Variants in USP3 observed in about 807,000 individuals in gnomAD.
The protein encoded by USP3 is ubiquitin carboxyl-terminal hydrolase 3.
A neutral mutation model predicts 72.3 loss-of-function variants in USP3; 20 were observed. The observed-to-expected ratio is 0.28, with a 90% CI of 0.19 to 0.40. USP3 has a LOEUF of 0.40. Ranked by LOEUF, USP3 falls within the 10% of genes least tolerant of loss-of-function variation. The pLI is 1.00. For missense variants in USP3, 479 were observed against 633.9 expected, an observed-to-expected ratio of 0.76 and a Z score of 2.62; for synonymous variants, 222 against 225.3, an observed-to-expected ratio of 0.99 and a Z score of 0.13.
intron 3 of USP3, chr15:63,542,003 T>C: frequency 1.0e-6 from 1 of 971,828 alleles, no homozygotes; most frequent in Non-Finnish European, 1.2e-6. Flanking sequence ...CTTGTTTCTT[T>C]ACTGTTGCAT....
chr15:63,572,017 A>C (rs1320002817), intron 9 of USP3, among the ~76,000 whole-genome samples: 2 of 152,230 alleles, frequency 1.3e-5, no homozygotes, highest in Non-Finnish European at 2.9e-5. Flanking sequence ...GGTGGTATGG[A>C]AGAAATAAGT....
At position 63,574,352 on chromosome 15, in the gene USP3, A is replaced by C. The variant is rs749252880; in HGVS notation, c.1045A>C (p.Arg349=). 8 of 1,606,056 alleles carry C rather than the reference A, an allele frequency of 5.0e-6. No individual in the cohort carries two copies. Among genetic ancestry groups the C allele is most frequent in the Non-Finnish European group, 4.2e-6 (5 of 1,176,838 alleles). The change falls in exon 11 of 15, where the codon AGA becomes CGA. Residue 349 remains arginine, a synonymous_variant. Coordinates refer to ENST00000380324, the MANE Select transcript of USP3 (RefSeq NM_006537.4). This position sits in a 1 kb window ranked among gnomAD's most constrained non-coding sequence, Gnocchi z 4.6. ...TTCATTAGATATTCCAAGTCAGTTCAGAAGTAAGCGCTCTAAGAATCAAGA... is the reference window on the plus strand; with the variant it reads ...TTCATTAGATATTCCAAGTCAGTTCCGAAGTAAGCGCTCTAAGAATCAAGA... ...DLSLDIPSQF[R]SKRSKNQENG... is the part of the protein sequence containing the mutation.
chr15:63,534,940 A>ATTTT, intron 2 of USP3, among the ~76,000 whole-genome samples: 1 of 151,738 alleles, frequency 6.6e-6, no homozygotes, highest in African/African-American at 2.4e-5. Context: ...TTATTTATTT[A>ATTTT]TTTACTTATT....
intron 3 of USP3, among the ~76,000 whole-genome samples, chr15:63,545,359 TTTA>T (rs2066304887): frequency 6.6e-6 from 1 of 152,108 alleles, no homozygotes; most frequent in Admixed American, 6.6e-5. Context: ...TAATTAGGAG[TTTA>T]TTAGCTGTTG....
intron 7 of USP3, among the ~76,000 whole-genome samples, chr15:63,561,934 G>A (rs2066614177): frequency 6.6e-6 from 1 of 152,308 alleles, no homozygotes; most frequent in South Asian, 2.1e-4. Flanking sequence ...TTAGCCACAG[G>A]TGTAGAAAAC....
chr15:63,538,466 A>G (rs1206090053), intron 3 of USP3, among the ~76,000 whole-genome samples: 2 of 152,158 alleles, frequency 1.3e-5, no homozygotes, highest in African/African-American at 4.8e-5. Context: ...TCCTTTCCAC[A>G]TTGTCCTTAG....
chr15:63,516,061 T>A (rs1386733119), intron 1 of USP3, among the ~76,000 whole-genome samples: 1 of 152,234 alleles, frequency 6.6e-6, no homozygotes, highest in East Asian at 1.9e-4. Context: ...ATAATTAGAT[T>A]ACATATTTTG....
At chr15:63,579,117 A>G (rs2066912682) in intron 11 of USP3, among the ~76,000 whole-genome samples, 2 of 152,218 alleles carry the variant, frequency 1.3e-5, no homozygotes, top group African/African-American at 4.8e-5. Flanking sequence ...ACTCAAAAGT[A>G]CTTAATAAAT....
In USP3 at chr15:63,593,562, T is replaced by G. The variant is rs2067241998; in HGVS notation, c.*2736T>G. 1 of 152,244 alleles carries G rather than the reference T, an allele frequency of 6.6e-6. No individual in the cohort carries two copies. Among genetic ancestry groups the G allele is most frequent in the African/African-American group, 2.4e-5 (1 of 41,460 alleles). The allele number at this position is 152,244 out of a possible 1,614,324, so 9.4% of individuals were successfully genotyped here. A position where few individuals can be genotyped will look rare whatever the true frequency, so the allele number is the denominator to read the frequency against. The stretch of plus-strand genomic sequence containing the variant: ...CTTCAGACAGGTGATGCTGTTGGCT[T>G]AAGAGATGAACACGTCTTCTCTCTG... On this transcript the variant is annotated 3_prime_UTR_variant, in exon 15 of 15. Coordinates refer to ENST00000380324, the MANE Select transcript of USP3 (RefSeq NM_006537.4).
intron 3 of USP3, among the ~76,000 whole-genome samples, chr15:63,552,213 A>G (rs1238508329): frequency 1.3e-5 from 2 of 152,202 alleles, no homozygotes; most frequent in Non-Finnish European, 2.9e-5. Context: ...TTATGCAAAC[A>G]TAAAATAAAA....
At chr15:63,540,289 G>A (rs2152663323) in intron 3 of USP3, among the ~76,000 whole-genome samples, 1 of 152,266 alleles carries the variant, frequency 6.6e-6, no homozygotes, top group Middle Eastern at 3.4e-3. Context: ...CCCAGCTCCA[G>A]TTGTAGCTGA....
intron 11 of USP3, among the ~76,000 whole-genome samples, chr15:63,587,101 A>G (rs1410590775): frequency 3.0e-5 from 4 of 135,492 alleles, no homozygotes; most frequent in African/African-American, 1.5e-4. Context: ...CTTGCTACCC[A>G]ACTTTAATAT....
chr15:63,546,912 T>C (rs2066337734), intron 3 of USP3, among the ~76,000 whole-genome samples: 2 of 152,176 alleles, frequency 1.3e-5, no homozygotes, highest in African/African-American at 2.4e-5. Context: ...CCAGCCAATC[T>C]GTTTGCCTTT....
At chr15:63,517,539 G>C (rs1300152545) in intron 1 of USP3, among the ~76,000 whole-genome samples, 1 of 152,128 alleles carries the variant, frequency 6.6e-6, no homozygotes, top group African/African-American at 2.4e-5. Flanking sequence ...TTTGTAACTG[G>C]GTGGGGCTTG....
At chr15:63,505,865 A>G (rs2065706358) in intron 1 of USP3, among the ~76,000 whole-genome samples, 1 of 152,210 alleles carries the variant, frequency 6.6e-6, no homozygotes, top group Non-Finnish European at 1.5e-5. Flanking sequence ...TTGAAGAAAT[A>G]TAGAAAAACG....
At chr15:63,563,184 G>A (rs944965167) in intron 8 of USP3, among the ~76,000 whole-genome samples, 176 bp downstream of exon 8, 1 of 152,108 alleles carries the variant, frequency 6.6e-6, no homozygotes, top group Admixed American at 6.6e-5. Flanking sequence ...AAACACATGT[G>A]TTTATTTAAA....
At chr15:63,509,975 T>C (rs751138340) in intron 1 of USP3, among the ~76,000 whole-genome samples, 1 of 152,146 alleles carries the variant, frequency 6.6e-6, no homozygotes, top group Non-Finnish European at 1.5e-5. Flanking sequence ...AATGATGGAG[T>C]TGGGGGAAGA....
chr15:63,581,341 GTTTT>G (rs1192044113), intron 11 of USP3, among the ~76,000 whole-genome samples: 1 of 135,654 alleles, frequency 7.4e-6, no homozygotes, highest in African/African-American at 2.9e-5. Context: ...GTTTGTGTTG[GTTTT>G]TGTGTGTGTG....
intron 2 of USP3, 63 bp from the exon 3 acceptor site, chr15:63,536,962 A>G (rs2066167315): frequency 6.7e-7 from 1 of 1,502,612 alleles, no homozygotes; most frequent in South Asian, 1.3e-5. Context: ...TAATTTCATC[A>G]TTTCCTACTC....
Sources: gnomAD v4.1 joint callset for allele counts (sites outside exome capture counted in the v4.1 genomes callset) on GRCh38, gnomAD v4.1.1 for gene constraint, Gnocchi (gnomAD v3.1) non-coding constraint, MANE v1.5 for transcripts, NCBI Gene and HGNC (gene_info 2026-07-23, HGNC 2026-07-21) for gene names.